Variants in CNNM1 observed in about 807,000 individuals in gnomAD.
CNNM1 encodes cyclin and CBS domain divalent metal cation transport mediator 1, also known as metal transporter CNNM1.
A neutral mutation model predicts 78.8 loss-of-function variants in CNNM1; 44 were observed. The observed-to-expected ratio is 0.56, with a 90% CI of 0.44 to 0.72. The LOEUF (loss-of-function observed/expected upper bound fraction) is 0.72. Among genes scored for constraint, CNNM1 ranks in the 30% least tolerant of loss-of-function variants. The pLI is 0.00. For synonymous variants in CNNM1, 584 were observed against 581.5 expected, an observed-to-expected ratio of 1.00 and a Z score of -0.06; for missense variants, 1,101 against 1,292.2, an observed-to-expected ratio of 0.85 and a Z score of 2.27.
intron 1 of CNNM1, among the ~76,000 whole-genome samples, chr10:99,356,452 G>T (rs1157302852): frequency 6.6e-6 from 1 of 150,554 alleles, no homozygotes; most frequent in African/African-American, 2.5e-5. Context: ...CTCCAGCCTG[G>T]CGACAGAGAG....
At chr10:99,379,423 C>T (rs926242478) in intron 7 of CNNM1, among the ~76,000 whole-genome samples, 3 of 151,994 alleles carry the variant, frequency 2.0e-5, no homozygotes, top group Non-Finnish European at 2.9e-5. Context: ...TCAGACAGGC[C>T]GAGAAAGGAC....
intron 10 of CNNM1, 68 bp from the exon 11 acceptor site, chr10:99,391,367 TCA>T (rs970332655): frequency 8.1e-7 from 1 of 1,231,012 alleles, no homozygotes; most frequent in Non-Finnish European, 1.2e-6. Context: ...TGAAAAGAAC[TCA>T]GACTGCCAAG....
intron 1 of CNNM1, among the ~76,000 whole-genome samples, chr10:99,332,135 C>A (rs1206266859): frequency 1.3e-5 from 2 of 152,242 alleles, no homozygotes; most frequent in African/African-American, 4.8e-5. Flanking sequence ...AAAATCAAAT[C>A]TACTTTCAAG....
At position 99,330,969 on chromosome 10, in the gene CNNM1, T is replaced by TA. The variant is rs1354271417; in HGVS notation, c.1573+10dup. 5 of 1,599,024 alleles carry TA rather than the reference T, an allele frequency of 3.1e-6. No homozygotes were observed. The highest frequency in any genetic ancestry group is 4.3e-6 in the Non-Finnish European group (5 of 1,173,336). On this transcript the variant is annotated intron_variant, in intron 1 of 10. Transcript: ENST00000356713. ...GGAGGAGTTTAAGAAGGGTGAGCAGTAGTCTATCTTCTCCCCCAACTCCTA... is the reference window on the plus strand; with the variant it reads ...GGAGGAGTTTAAGAAGGGTGAGCAGTAAGTCTATCTTCTCCCCCAACTCCTA...
chr10:99,342,592 G>A (rs2030502379), intron 1 of CNNM1, among the ~76,000 whole-genome samples: 2 of 152,060 alleles, frequency 1.3e-5, no homozygotes, highest in South Asian at 4.1e-4. Flanking sequence ...CAAGGCGGTT[G>A]CTGCAGGATT....
intron 1 of CNNM1, among the ~76,000 whole-genome samples, chr10:99,334,486 C>G (rs2030073376): frequency 6.6e-6 from 1 of 152,172 alleles, no homozygotes; most frequent in East Asian, 1.9e-4. Flanking sequence ...AACCCCATCT[C>G]TACTAAAAAT....
intron 9 of CNNM1, 143 bp downstream of exon 9, chr10:99,388,444 A>G (rs1320861060): frequency 5.4e-6 from 5 of 934,238 alleles, no homozygotes; most frequent in African/African-American, 1.7e-5. Context: ...CAGCCAGGGA[A>G]AGGAAACATT....
At chr10:99,383,499 C>A (rs2032218454) in intron 7 of CNNM1, among the ~76,000 whole-genome samples, 1 of 152,130 alleles carries the variant, frequency 6.6e-6, no homozygotes, top group Admixed American at 6.5e-5. Context: ...ATCTCGAACT[C>A]CTGACCTTGT....
Position 99,368,746 on chromosome 10 carries a change from C to CT in CNNM1, c.2176+3745dup, listed in dbSNP as rs1438399942. 5.2e-6 allele frequency: 6 copies of CT among 1,144,864 alleles called. No individual in the cohort carries two copies. In the African/African-American group the frequency reaches 9.5e-5, roughly 18 times the overall value. The allele number at this position is 1,144,864 out of a possible 1,614,324, so 70.9% of individuals were successfully genotyped here. On this transcript the variant is annotated intron_variant, in intron 6 of 10. Coordinates refer to ENST00000356713, the MANE Select transcript of CNNM1 (RefSeq NM_020348.3). ...GGGGTTTGCAAGAAGCCTTTGGCCT[C>CT]TGTCACTTTCCTGCATGAGAACTAA... is the stretch of plus-strand genomic sequence containing the variant.
At chr10:99,334,163 G>C (rs961388593) in intron 1 of CNNM1, among the ~76,000 whole-genome samples, 4 of 152,216 alleles carry the variant, frequency 2.6e-5, no homozygotes, top group African/African-American at 7.2e-5. Flanking sequence ...AGTTTGAGAA[G>C]CATTGCCTTC....
At chr10:99,356,514 G>GAAAGAAAGAAAGAAAGAAAGAA (rs1234385335) in intron 1 of CNNM1, among the ~76,000 whole-genome samples, 2 of 142,540 alleles carry the variant, frequency 1.4e-5, no homozygotes, top group African/African-American at 5.4e-5. Context: ...GAGAGAGAAA[G>GAAAGAAAGAAAGAAAGAAAGAA]AGAAAGAGAG....
intron 1 of CNNM1, among the ~76,000 whole-genome samples, chr10:99,341,370 T>C (rs1272240353): frequency 6.6e-6 from 1 of 152,104 alleles, no homozygotes; most frequent in East Asian, 1.9e-4. Flanking sequence ...TTCAGTAGCA[T>C]GTACTGAGTA....
At chr10:99,376,477 G>A (rs1199334549) in intron 6 of CNNM1, among the ~76,000 whole-genome samples, 1 of 152,232 alleles carries the variant, frequency 6.6e-6, no homozygotes, top group Non-Finnish European at 1.5e-5. Context: ...AGGCCTGAAT[G>A]CTTCCCACTA....
intron 10 of CNNM1, among the ~76,000 whole-genome samples, chr10:99,390,792 T>C (rs968401497): frequency 6.6e-6 from 1 of 152,242 alleles, no homozygotes; most frequent in Non-Finnish European, 1.5e-5. Context: ...TAATATTTTC[T>C]GTCTAGTCCT....
intron 7 of CNNM1, chr10:99,377,444 T>C: frequency 5.6e-6 from 2 of 360,144 alleles, no homozygotes; most frequent in Non-Finnish European, 9.9e-6. Context: ...GACCCCCTTT[T>C]TTCATGTGGG....
At position 99,384,349 on chromosome 10, in the gene CNNM1, A is replaced by AT. The variant is rs1353195559; in HGVS notation, c.2341-3463dup. ...GCAGGAGTTCATGATTTAAAAAAAAATTTTTTTTAAAAAGAGAGCTGTGTG... is the reference window on the plus strand; with the variant it reads ...GCAGGAGTTCATGATTTAAAAAAAAATTTTTTTTTAAAAAGAGAGCTGTGTG... On this transcript the variant is annotated intron_variant, in intron 7 of 10. Transcript: ENST00000356713. Among the ~76,000 whole-genome samples the AT allele has an allele frequency of 4.7e-3, 722 of 152,258 alleles. 7 individuals are homozygous for AT. The highest frequency in any genetic ancestry group is 0.016 in the African/African-American group (679 of 41,550).
intron 1 of CNNM1, among the ~76,000 whole-genome samples, chr10:99,331,674 A>G (rs999013262): frequency 3.3e-5 from 5 of 152,188 alleles, no homozygotes; most frequent in Non-Finnish European, 7.3e-5. Context: ...CAAAGCTGCA[A>G]TGAGCTGTAA....
chr10:99,329,490 C>T lies in CNNM1; in HGVS notation c.103C>T (p.Pro35Ser), dbSNP rs527685732. The T allele has an allele frequency of 1.1e-3, 1,623 of 1,496,668 alleles. 2 individuals carry two copies. The highest frequency in any genetic ancestry group is 1.3e-3 in the Non-Finnish European group (1,500 of 1,123,626). 92.7% of individuals were successfully genotyped at this position (1,496,668 alleles called of 1,614,324 possible). A position where few individuals can be genotyped will look rare whatever the true frequency, so the allele number is the denominator to read the frequency against. ...LLLFFSLSPR[P>S]PAAAAWLLGL... is the part of the protein sequence containing the mutation. ...GCTCTTCTTTTCCCTGTCTCCTCGG[C>T]CCCCGGCCGCCGCCGCCTGGCTGCT... is the stretch of plus-strand genomic sequence containing the variant. The change falls in exon 1 of 11, where the codon CCC (proline) becomes TCC (serine). Residue 35 changes from proline (P) to serine (S), a missense_variant. Transcript: ENST00000356713.
At chr10:99,366,641 G>C (rs995112648) in intron 6 of CNNM1, among the ~76,000 whole-genome samples, 19 of 152,254 alleles carry the variant, frequency 1.2e-4, no homozygotes, top group African/African-American at 4.3e-4. Flanking sequence ...AATTAGCCAG[G>C]CATGGTAGCA....
Sources: gnomAD v4.1 joint callset for allele counts (sites outside exome capture counted in the v4.1 genomes callset) on GRCh38, gnomAD v4.1.1 for gene constraint, MANE v1.5 for transcripts, NCBI Gene and HGNC (gene_info 2026-07-23, HGNC 2026-07-21) for gene names.